SRGAP3: variants seen among roughly 807,000 people sequenced by gnomAD.
SRGAP3 encodes SLIT-ROBO Rho GTPase-activating protein 3.
Under a neutral mutation model 121.1 loss-of-function variants are expected in SRGAP3, and 39 were observed. The ratio of observed to expected loss-of-function variants is 0.32; its 90% CI spans 0.25 to 0.42. The LOEUF is 0.42. Among genes scored for constraint, SRGAP3 ranks in the 10% least tolerant of loss-of-function variants. The pLI, the probability that SRGAP3 is intolerant of heterozygous loss-of-function variation, is 1.00. For missense variants in SRGAP3, 1,213 were observed against 1,470.6 expected, an observed-to-expected ratio of 0.82 and a Z score of 2.86; for synonymous variants, 601 against 570.0, an observed-to-expected ratio of 1.05 and a Z score of -0.77.
chr3:9,337,993 C>T (rs1021740720), intron 1 of SRGAP3, among the ~76,000 whole-genome samples: 1 of 152,154 alleles, frequency 6.6e-6, no homozygotes, highest in Non-Finnish European at 1.5e-5. Context: ...TTTCACATAA[C>T]ATACTTTGGG....
intron 3 of SRGAP3, among the ~76,000 whole-genome samples, chr3:9,268,494 C>A (rs1039391325): frequency 1.3e-5 from 2 of 152,078 alleles, no homozygotes; most frequent in Non-Finnish European, 2.9e-5. Flanking sequence ...CTGTTTAAGC[C>A]ACCCAGTCTA....
chr3:9,185,539 T>C (rs75775526), intron 1 of SRGAP3, among the ~76,000 whole-genome samples: 1,519 of 148,204 alleles, frequency 0.01, 29 homozygotes, highest in African/African-American at 0.036. Context: ...CCTTATTTCT[T>C]TTTTTTTTTA....
At chr3:9,305,183 AAAG>A (rs1169796860) in intron 3 of SRGAP3, among the ~76,000 whole-genome samples, 5 of 152,278 alleles carry the variant, frequency 3.3e-5, no homozygotes, top group Non-Finnish European at 7.4e-5. Context: ...GTCTGCCACC[AAAG>A]AAGAGAGAAG....
intron 2 of SRGAP3, among the ~76,000 whole-genome samples, chr3:9,110,753 C>CTACATTTG (rs1948594424): frequency 6.6e-6 from 1 of 152,256 alleles, no homozygotes. Context: ...GTCTAAAAGG[C>CTACATTTG]TGGGGTGAAC....
intron 2 of SRGAP3, among the ~76,000 whole-genome samples, chr3:9,326,413 A>G (rs545151543): frequency 6.6e-6 from 1 of 152,044 alleles, no homozygotes; most frequent in South Asian, 2.1e-4. Context: ...ATATGGAACC[A>G]AACATTGGTT....
intron 14 of SRGAP3, among the ~76,000 whole-genome samples, chr3:9,020,709 G>A (rs920526131): frequency 5.9e-5 from 9 of 152,140 alleles, no homozygotes; most frequent in African/African-American, 2.2e-4. Flanking sequence ...CCAGGCCTTT[G>A]GCTCTCTGCA....
chr3:9,346,869 C>T (rs1184229354), intron 1 of SRGAP3, among the ~76,000 whole-genome samples: 3 of 151,206 alleles, frequency 2.0e-5, no homozygotes, highest in Non-Finnish European at 2.9e-5. Context: ...AATTCTCCTG[C>T]CTCAGCCTCC....
chr3:9,185,513 G>GT (rs1419378298), intron 1 of SRGAP3, among the ~76,000 whole-genome samples: 2 of 151,822 alleles, frequency 1.3e-5, no homozygotes, highest in African/African-American at 4.8e-5. Flanking sequence ...TTGAGAAGTC[G>GT]TTTTTTTCTT....
chr3:9,337,780 G>C (rs1955716180), intron 1 of SRGAP3: 1 of 152,174 alleles, frequency 6.6e-6, no homozygotes, highest in African/African-American at 2.4e-5. Context: ...AGTTTATGAA[G>C]ACCTAGGCCA....
At chr3:9,307,169 T>G (rs1416844784) in intron 3 of SRGAP3, among the ~76,000 whole-genome samples, 1 of 152,160 alleles carries the variant, frequency 6.6e-6, no homozygotes, top group Non-Finnish European at 1.5e-5. Context: ...AGATGGGGTT[T>G]CACCATGTTG....
intron 1 of SRGAP3, among the ~76,000 whole-genome samples, chr3:9,180,160 T>C (rs1951329461): frequency 6.6e-6 from 1 of 152,196 alleles, no homozygotes; most frequent in Non-Finnish European, 1.5e-5. Context: ...AAGAGAGGTG[T>C]GGCCTGGGGA....
At chr3:8,992,774 T>C (rs1041100626) in intron 20 of SRGAP3, 132 bp downstream of exon 20, 12 of 1,532,520 alleles carry the variant, frequency 7.8e-6, no homozygotes, top group Admixed American at 1.7e-5. Flanking sequence ...CCGCCCAGTG[T>C]GCCCATTTCA....
intron 10 of SRGAP3, among the ~76,000 whole-genome samples, chr3:9,041,330 G>T (rs773066995): frequency 2.0e-5 from 3 of 152,216 alleles, no homozygotes; most frequent in Non-Finnish European, 4.4e-5. Flanking sequence ...ATATGCCTCC[G>T]ACCCAGGGAC....
intron 20 of SRGAP3, among the ~76,000 whole-genome samples, chr3:8,991,071 C>T (rs1178676733): frequency 1.3e-5 from 2 of 152,218 alleles, no homozygotes; most frequent in Non-Finnish European, 2.9e-5. Context: ...GAGCACGGTG[C>T]TTCCAGGCCA....
rs538735675 is a variant in SRGAP3 at position 9,005,425 on chromosome 3, G to T, written c.2227+4883C>A. On this transcript the variant is annotated intron_variant, in intron 18 of 21. Transcript: ENST00000383836. ...TATGACCCAGCAATTCCACTCCTGG[G>T]TATATACTCAAGAGAAATGAAAAAT... is the stretch of plus-strand genomic sequence containing the variant. Among the ~76,000 whole-genome samples, 14 of 152,268 alleles carry T rather than the reference G, an allele frequency of 9.2e-5. No individual in the cohort carries two copies. In the East Asian group the frequency reaches 2.3e-3, roughly 25 times the overall value.
chr3:9,286,328 C>T (rs1020043907), intron 3 of SRGAP3, among the ~76,000 whole-genome samples: 1 of 152,110 alleles, frequency 6.6e-6, no homozygotes, highest in Non-Finnish European at 1.5e-5. Flanking sequence ...TGCCCCCCAA[C>T]ACACACTATT....
chr3:9,095,625 A>AG (rs1450791777), intron 3 of SRGAP3, among the ~76,000 whole-genome samples: 1 of 152,190 alleles, frequency 6.6e-6, no homozygotes, highest in Non-Finnish European at 1.5e-5. Flanking sequence ...ACTGTCGTTT[A>AG]CCAAGTTTCC....
intron 3 of SRGAP3, among the ~76,000 whole-genome samples, chr3:9,101,462 A>C (rs888140588): frequency 6.6e-6 from 1 of 152,202 alleles, no homozygotes; most frequent in Admixed American, 6.5e-5. Context: ...CCCGTGCTGG[A>C]CCAATCACAG....
intron 3 of SRGAP3, among the ~76,000 whole-genome samples, chr3:9,308,603 C>A (rs17050221): frequency 0.17 from 26,028 of 152,096 alleles, 3,003 homozygotes; most frequent in African/African-American, 0.33. Flanking sequence ...ATAGGTGGAA[C>A]TTACAGGCAG....
Sources: gnomAD v4.1 joint callset for allele counts (sites outside exome capture counted in the v4.1 genomes callset) on GRCh38, gnomAD v4.1.1 for gene constraint, MANE v1.5 for transcripts, NCBI Gene and HGNC (gene_info 2026-07-23, HGNC 2026-07-21) for gene names.